Variants in SORCS2 observed in about 807,000 individuals in gnomAD.
The protein encoded by SORCS2 is sortilin related VPS10 domain containing receptor 2.
A neutral mutation model predicts 141.6 loss-of-function variants in SORCS2; 100 were observed. The ratio of observed to expected loss-of-function variants is 0.71; its 90% CI spans 0.60 to 0.83. The LOEUF is 0.83. Ranked by LOEUF, SORCS2 falls within the 40% of genes least tolerant of loss-of-function variation. The pLI is 0.00. For synonymous variants in SORCS2, 789 were observed against 676.9 expected, an observed-to-expected ratio of 1.17 and a Z score of -2.57; for missense variants, 1,646 against 1,560.2, an observed-to-expected ratio of 1.05 and a Z score of -0.93.
intron 1 of SORCS2, among the ~76,000 whole-genome samples, chr4:7,362,823 C>T (rs1197527019): frequency 6.6e-6 from 1 of 151,872 alleles, no homozygotes; most frequent in East Asian, 1.9e-4. Flanking sequence ...ACCAACACCA[C>T]CATCATTACT....
chr4:7,558,613 A>G (rs997930857), intron 3 of SORCS2, among the ~76,000 whole-genome samples: 4 of 152,168 alleles, frequency 2.6e-5, no homozygotes, highest in African/African-American at 9.7e-5. Flanking sequence ...ATTCCCACGC[A>G]CATGAGCTGA....
chr4:7,322,115 G>A (rs1327953094), intron 1 of SORCS2, among the ~76,000 whole-genome samples: 1 of 152,170 alleles, frequency 6.6e-6, no homozygotes, highest in African/African-American at 2.4e-5. Flanking sequence ...CAGGCTGTCC[G>A]ACGGTGTGCT....
chr4:7,454,508 G>A (rs1250631581), intron 2 of SORCS2, among the ~76,000 whole-genome samples: 1 of 139,290 alleles, frequency 7.2e-6, no homozygotes, highest in Non-Finnish European at 1.6e-5. Flanking sequence ...CTGTGTGTTG[G>A]GGTCAGATGC....
chr4:7,447,238 G>A (rs1208856415), intron 2 of SORCS2, among the ~76,000 whole-genome samples: 2 of 152,138 alleles, frequency 1.3e-5, no homozygotes, highest in African/African-American at 4.8e-5. Context: ...TGAGGGGAAG[G>A]GTGCCTAGGC....
At chr4:7,727,667 C>T (rs933946854) in intron 21 of SORCS2, among the ~76,000 whole-genome samples, 12 of 152,316 alleles carry the variant, frequency 7.9e-5, no homozygotes, top group African/African-American at 1.9e-4. Flanking sequence ...CATCACCACC[C>T]TCATTGTAAG....
intron 3 of SORCS2, among the ~76,000 whole-genome samples, chr4:7,546,169 C>T (rs529317022): frequency 6.6e-6 from 1 of 152,310 alleles, no homozygotes; most frequent in African/African-American, 2.4e-5. Flanking sequence ...CCATTGCAGC[C>T]TCCTTTGTCC....
At chr4:7,682,383 G>A (rs1182045644) in intron 9 of SORCS2, among the ~76,000 whole-genome samples, 1 of 152,204 alleles carries the variant, frequency 6.6e-6, no homozygotes, top group Non-Finnish European at 1.5e-5. Flanking sequence ...CTCTGAATCA[G>A]GACCTCTGAG....
chr4:7,400,474 C>CCAT (rs1724504601), intron 2 of SORCS2, among the ~76,000 whole-genome samples: 1 of 151,992 alleles, frequency 6.6e-6, no homozygotes, highest in South Asian at 2.1e-4. Flanking sequence ...ACCACCACCA[C>CCAT]CACCACCACC....
At chr4:7,680,734 C>G (rs893322588) in intron 9 of SORCS2, among the ~76,000 whole-genome samples, 7 of 152,230 alleles carry the variant, frequency 4.6e-5, no homozygotes, top group Non-Finnish European at 7.3e-5. Flanking sequence ...CTGACTCTGT[C>G]TGCCTGTGTT....
At chr4:7,386,699 A>G (rs1016883423) in intron 1 of SORCS2, among the ~76,000 whole-genome samples, 4 of 150,380 alleles carry the variant, frequency 2.7e-5, no homozygotes, top group Admixed American at 6.6e-5. Context: ...ACATGCACAC[A>G]CAGATACAGA....
intron 2 of SORCS2, among the ~76,000 whole-genome samples, chr4:7,521,028 G>A (rs73082848): frequency 6.6e-6 from 1 of 152,316 alleles, no homozygotes; most frequent in African/African-American, 2.4e-5. Context: ...GTTTTCTGAT[G>A]TTGCTATAAT....
intron 1 of SORCS2, among the ~76,000 whole-genome samples, chr4:7,215,967 C>T (rs1380886538): frequency 1.3e-5 from 2 of 151,854 alleles, no homozygotes; most frequent in African/African-American, 2.4e-5. Flanking sequence ...CAGTGGCAAC[C>T]CGCTCGGGTC....
At chr4:7,638,102 G>A (rs1164785343) in intron 3 of SORCS2, among the ~76,000 whole-genome samples, 1 of 152,028 alleles carries the variant, frequency 6.6e-6, no homozygotes, top group Non-Finnish European at 1.5e-5. Context: ...TGAATGGATG[G>A]CTATAGTTAG....
At chr4:7,714,720 C>T (rs571640608) in intron 16 of SORCS2, among the ~76,000 whole-genome samples, 1 of 152,344 alleles carries the variant, frequency 6.6e-6, no homozygotes, top group African/African-American at 2.4e-5. Context: ...GAAAGCCACC[C>T]GACCTGTCCC....
chr4:7,316,964 A>T (rs1182421668), intron 1 of SORCS2, among the ~76,000 whole-genome samples: 1 of 152,156 alleles, frequency 6.6e-6, no homozygotes, highest in Non-Finnish European at 1.5e-5. Flanking sequence ...CTGACAGCAG[A>T]CAGACTTCCA....
In SORCS2 at chr4:7,203,793, A is replaced by G. The variant is rs116408183; in HGVS notation, c.480+10667A>G. On this transcript the variant is annotated intron_variant, in intron 1 of 26. Transcript: ENST00000507866. ...AACGTTCTCATCTTCCCAAATGGAA[A>G]CTCTGCCCCTCTTAAACACTAACCC... Among the ~76,000 whole-genome samples, 1,046 of 151,918 alleles carry G rather than the reference A, an allele frequency of 6.9e-3. 16 individuals are homozygous for G. The highest frequency in any genetic ancestry group is 0.024 in the African/African-American group (1,006 of 41,394).
chr4:7,235,244 C>A (rs1712184761), intron 1 of SORCS2, among the ~76,000 whole-genome samples: 1 of 152,320 alleles, frequency 6.6e-6, no homozygotes, highest in African/African-American at 2.4e-5. Context: ...CAGTTAGTAC[C>A]CCACCCTTCT....
At chr4:7,275,863 A>C (rs181415942) in intron 1 of SORCS2, among the ~76,000 whole-genome samples, 26 of 152,154 alleles carry the variant, frequency 1.7e-4, no homozygotes, top group African/African-American at 5.8e-4. Context: ...TCAACCATTC[A>C]TTCATCAAAT....
At chr4:7,388,189 C>T (rs1291541247) in intron 1 of SORCS2, among the ~76,000 whole-genome samples, 1 of 152,224 alleles carries the variant, frequency 6.6e-6, no homozygotes, top group African/African-American at 2.4e-5. Context: ...AGGTAGACGG[C>T]CTGCAGAAGT....
Sources: gnomAD v4.1 joint callset for allele counts (sites outside exome capture counted in the v4.1 genomes callset) on GRCh38, gnomAD v4.1.1 for gene constraint, MANE v1.5 for transcripts, NCBI Gene and HGNC (gene_info 2026-07-23, HGNC 2026-07-21) for gene names.